The following NBPF11 variants were observed in gnomAD, a reference collection of about 807,000 sequenced individuals.
NBPF11 encodes NBPF member 11, also known as NBPF family member NBPF11.
A neutral mutation model predicts 93.9 loss-of-function variants in NBPF11; 72 were observed. That is an observed-to-expected ratio of 0.77 (90% confidence interval 0.63 to 0.93). The LOEUF (loss-of-function observed/expected upper bound fraction) is 0.93. Among genes scored for constraint, NBPF11 ranks in the 40% least tolerant of loss-of-function variants. The probability of loss-of-function intolerance (pLI) is 0.00; values close to 1 mark genes in which losing one functional copy is unlikely to be tolerated. For missense variants in NBPF11, 705 were observed against 802.2 expected, an observed-to-expected ratio of 0.88 and a Z score of 1.46; for synonymous variants, 224 against 304.9, an observed-to-expected ratio of 0.73 and a Z score of 2.76.
At chr1:148,116,803 T>C (rs1389074995) in intron 12 of NBPF11, among the ~76,000 whole-genome samples, 11 of 152,022 alleles carry the variant, frequency 7.2e-5, no homozygotes, top group African/African-American at 2.7e-4. Flanking sequence ...GTGCAGCCTC[T>C]CTCTGGACTT....
In NBPF11 at chr1:148,102,391, A is replaced by C. The variant is rs1170002611; in HGVS notation, c.*1505T>G. 6.6e-6 allele frequency: 1 copy of C among 151,720 alleles called. No homozygotes were observed. The highest frequency in any genetic ancestry group is 2.4e-5 in the African/African-American group (1 of 41,054). The allele number at this position is 151,720 out of a possible 1,614,324, so 9.4% of individuals were successfully genotyped here. Reference sequence around the variant, plus strand: ...GATCATTAGAATACAGGATATTTATACTCTTGAAAACCACTTTCCCAAGTA... The same window carrying C: ...GATCATTAGAATACAGGATATTTATCCTCTTGAAAACCACTTTCCCAAGTA... On this transcript the variant is annotated 3_prime_UTR_variant, in exon 24 of 24. Coordinates refer to ENST00000682118, the MANE Select transcript of NBPF11 (RefSeq NM_001385469.3).
intron 2 of NBPF11, among the ~76,000 whole-genome samples, chr1:148,142,026 A>AAGGAAGGGAGGG (rs1672257137): frequency 1.5e-5 from 2 of 134,808 alleles, no homozygotes; most frequent in African/African-American, 2.8e-5. Flanking sequence ...GGAAGGAAGG[A>AAGGAAGGGAGGG]AGGGAGGGAG....
intron 4 of NBPF11, among the ~76,000 whole-genome samples, chr1:148,132,359 T>C (rs1232586924): frequency 6.7e-6 from 1 of 149,628 alleles, no homozygotes; most frequent in Non-Finnish European, 1.5e-5. Context: ...TATTCTATTT[T>C]TTTTTTTCAA....
At chr1:148,105,775 C>CAG (rs1663438251) in intron 21 of NBPF11, among the ~76,000 whole-genome samples, 2 of 82,754 alleles carry the variant, frequency 2.4e-5, no homozygotes, top group Non-Finnish European at 4.1e-5. Context: ...CACACACACA[C>CAG]TGAGAGAGAG....
chr1:148,136,758 A>T (rs1426899533), intron 3 of NBPF11, among the ~76,000 whole-genome samples: 4 of 151,846 alleles, frequency 2.6e-5, no homozygotes, highest in Non-Finnish European at 5.9e-5. Context: ...ATCATTTCAC[A>T]TTAGGGACAG....
chr1:148,135,014 T>C (rs1671046092), intron 4 of NBPF11: 2 of 149,996 alleles, frequency 1.3e-5, no homozygotes, highest in Non-Finnish European at 2.9e-5. Flanking sequence ...ATAAAAGAAA[T>C]TCTTCACCAC....
intron 21 of NBPF11, among the ~76,000 whole-genome samples, 160 bp downstream of exon 21, chr1:148,106,021 C>G (rs1553267224): frequency 7.0e-6 from 1 of 141,906 alleles, no homozygotes; most frequent in African/African-American, 2.7e-5. Flanking sequence ...AAATGGAAAC[C>G]TAAATATCTA....
At chr1:148,121,678 A>G (rs2149233940) in intron 9 of NBPF11, among the ~76,000 whole-genome samples, 1 of 152,018 alleles carries the variant, frequency 6.6e-6, no homozygotes, top group Non-Finnish European at 1.5e-5. Context: ...AGCTAAGACA[A>G]GCCAATGAAA....
At chr1:148,146,649 C>A (rs1673151242) in intron 1 of NBPF11, 12 of 1,611,538 alleles carry the variant, frequency 7.4e-6, no homozygotes, top group East Asian at 4.5e-5. Flanking sequence ...AGCTGGACAC[C>A]ATCGAGGTCT....
intron 1 of NBPF11, among the ~76,000 whole-genome samples, chr1:148,151,111 G>A (rs1648201953): frequency 6.6e-6 from 1 of 151,940 alleles, no homozygotes; most frequent in Non-Finnish European, 1.5e-5. Context: ...AAGCCTCAAA[G>A]AAAGACAGAC....
rs1372258106 is a variant in NBPF11 at position 148,118,354 on chromosome 1, C to T, written c.1091+266G>A. Reference sequence around the variant, plus strand: ...GAATGCTGCTGTGTGGTTCACACTCCTTTGGTTAATTTTGTGTTATGTAAA... The same window carrying T: ...GAATGCTGCTGTGTGGTTCACACTCTTTTGGTTAATTTTGTGTTATGTAAA... On this transcript the variant is annotated intron_variant, in intron 11 of 23. Coordinates refer to ENST00000682118, the MANE Select transcript of NBPF11 (RefSeq NM_001385469.3). 2.9e-3 allele frequency among the ~76,000 whole-genome samples: 437 copies of T among 151,796 alleles called. 2 individuals carry two copies. The highest frequency in any genetic ancestry group is 9.9e-3 in the African/African-American group (408 of 41,228).
intron 3 of NBPF11, among the ~76,000 whole-genome samples, chr1:148,136,169 T>C (rs1671248571): frequency 1.3e-5 from 2 of 152,004 alleles, no homozygotes; most frequent in African/African-American, 2.4e-5. Flanking sequence ...ACGTCTGGCA[T>C]ATTCTTACAG....
intron 21 of NBPF11, 42 bp from the exon 22 acceptor site, chr1:148,105,570 C>T: frequency 4.2e-6 from 3 of 720,676 alleles, no homozygotes; most frequent in Admixed American, 3.8e-5. Flanking sequence ...CAGGGGAAAT[C>T]ACACACAACA....
intron 2 of NBPF11, among the ~76,000 whole-genome samples, chr1:148,142,536 G>T (rs1182489658): frequency 6.6e-6 from 1 of 151,850 alleles, no homozygotes. Flanking sequence ...GTCTGACATC[G>T]TCCATTTGTC....
At position 148,143,091 on chromosome 1, in the gene NBPF11, G is replaced by C. The variant is rs2746945; in HGVS notation, c.-277+324C>G. On this transcript the variant is annotated intron_variant, in intron 2 of 23. Coordinates refer to ENST00000682118, the MANE Select transcript of NBPF11 (RefSeq NM_001385469.3). ...GAGGACAGCAGGGTGGAAACAGAGAGAGAAATGGGGGCAGAGAATGGGGGG... is the reference window on the plus strand; with the variant it reads ...GAGGACAGCAGGGTGGAAACAGAGACAGAAATGGGGGCAGAGAATGGGGGG... Among the ~76,000 whole-genome samples the C allele has an allele frequency of 1.5e-3, 203 of 136,066 alleles. 1 individual carries two copies. Among genetic ancestry groups the C allele is most frequent in the Middle Eastern group, 7.6e-3 (2 of 264 alleles). The allele number at this position is 136,066 out of a possible 152,430, so 89.3% of individuals were successfully genotyped here.
In NBPF11 at chr1:148,142,536, G is replaced by A. The variant is rs1182489658; in HGVS notation, c.-277+879C>T. On this transcript the variant is annotated intron_variant, in intron 2 of 23. Transcript: ENST00000682118. ...GGCCTCAGCCCCTGGGTCTGACATC[G>A]TCCATTTGTCATTCTCACTGGACTT... Among the ~76,000 whole-genome samples, 313 of 151,960 alleles carry A rather than the reference G, an allele frequency of 2.1e-3. 4 individuals are homozygous for A. The highest frequency in any genetic ancestry group is 6.2e-3 in the African/African-American group (255 of 41,304).
chr1:148,129,165 A>T (rs1669805402), intron 4 of NBPF11, among the ~76,000 whole-genome samples: 1 of 146,410 alleles, frequency 6.8e-6, no homozygotes, highest in Non-Finnish European at 1.5e-5. Context: ...TTATATATAT[A>T]TACACATATA....
chr1:148,149,359 G>A, intron 1 of NBPF11: 1 of 1,596,980 alleles, frequency 6.3e-7, no homozygotes, highest in African/African-American at 1.3e-5. Context: ...AGGTGTCCAA[G>A]ATCACGTCTC....
chr1:148,121,674 G>C (rs1667900380), intron 9 of NBPF11, among the ~76,000 whole-genome samples: 2 of 151,994 alleles, frequency 1.3e-5, no homozygotes, highest in South Asian at 4.2e-4. Context: ...TAATAGCTAA[G>C]ACAAGCCAAT....
Sources: allele counts gnomAD v4.1 joint callset (sites outside exome capture counted in the v4.1 genomes callset), GRCh38; gene constraint gnomAD v4.1.1; transcripts MANE v1.5; gene names NCBI Gene and HGNC (gene_info 2026-07-23, HGNC 2026-07-21).